Variants in SLC9C1 observed in about 807,000 individuals in gnomAD.
The protein encoded by SLC9C1 is sodium/hydrogen exchanger 10.
Under a neutral mutation model 140.9 loss-of-function variants are expected in SLC9C1, and 97 were observed. The observed-to-expected ratio is 0.69, with a 90% CI of 0.58 to 0.82. The LOEUF (loss-of-function observed/expected upper bound fraction) is 0.82. Among genes scored for constraint, SLC9C1 ranks in the 40% least tolerant of loss-of-function variants. SLC9C1 has a pLI of 0.00. For missense variants in SLC9C1, 1,340 were observed against 1,389.3 expected (o/e 0.96, Z 0.56); for synonymous variants, 440 against 442.6 (o/e 0.99, Z 0.07).
intron 8 of SLC9C1, among the ~76,000 whole-genome samples, chr3:112,265,995 G>T (rs541956775): frequency 6.6e-6 from 1 of 152,190 alleles, no homozygotes; most frequent in African/African-American, 2.4e-5. Flanking sequence ...GATAATCAGA[G>T]ATTTGAGGAA....
chr3:112,270,716 T>G (rs1471399290), intron 6 of SLC9C1, among the ~76,000 whole-genome samples: 1 of 152,134 alleles, frequency 6.6e-6, no homozygotes, highest in Non-Finnish European at 1.5e-5. Context: ...CCTGGGAGGC[T>G]GAGGCATGAG....
In SLC9C1 at chr3:112,154,999, C is replaced by G. The variant is rs779248025; in HGVS notation, c.3415G>C (p.Glu1139Gln). ...EGIQEERNVK[E>Q]DGAHSAATAR... ...TAGAAAGGCTGCTTTAAATTTACCT[C>G]CTTAACATTTCTTTCTTCTTGAATG... Residue 1139 changes from glutamate (E) to glutamine (Q), a missense_variant and splice_region_variant, in exon 27 of 29, where the codon GAG becomes CAG. Physicochemically the swap from Glu to Gln is conservative, Grantham distance 29. Coordinates refer to ENST00000305815, the MANE Select transcript of SLC9C1 (RefSeq NM_183061.3). 6.2e-7 allele frequency: 1 copy of G among 1,611,194 alleles called. No individual in the cohort carries two copies. Among genetic ancestry groups the G allele is most frequent in the South Asian group, 1.1e-5 (1 of 90,742 alleles).
chr3:112,185,049 C>G (rs1249563409), intron 20 of SLC9C1, among the ~76,000 whole-genome samples: 1 of 151,952 alleles, frequency 6.6e-6, no homozygotes, highest in Non-Finnish European at 1.5e-5. Flanking sequence ...TGAGTATGTA[C>G]CATGTCCAGC....
chr3:112,214,781 C>A (rs2078309021), intron 15 of SLC9C1, among the ~76,000 whole-genome samples: 2 of 152,166 alleles, frequency 1.3e-5, no homozygotes, highest in Non-Finnish European at 2.9e-5. Flanking sequence ...ACCAGAGGTA[C>A]AAGGAGGAGC....
chr3:112,226,722 C>T (rs1442581453), intron 13 of SLC9C1, among the ~76,000 whole-genome samples: 2 of 5,616 alleles, frequency 3.6e-4, no homozygotes, highest in East Asian at 0.012. Context: ...ACTCCATCCC[C>T]CCCCATCCCC....
intron 15 of SLC9C1, among the ~76,000 whole-genome samples, chr3:112,212,861 CA>C (rs1294491946): frequency 6.6e-6 from 1 of 152,138 alleles, no homozygotes; most frequent in African/African-American, 2.4e-5. Context: ...GAGAATGCCA[CA>C]AAGATACTCC....
At chr3:112,253,389 A>C (rs1458313990) in intron 10 of SLC9C1, among the ~76,000 whole-genome samples, 3 of 152,152 alleles carry the variant, frequency 2.0e-5, no homozygotes, top group Non-Finnish European at 4.4e-5. Context: ...ATTGACAGAG[A>C]GCATGGCTGC....
In SLC9C1 at chr3:112,217,559, C is replaced by T. The variant is rs756375839; in HGVS notation, c.1673G>A (p.Cys558Tyr). Residue 558 changes from cysteine (C) to tyrosine (Y), a missense_variant and splice_region_variant, in exon 15 of 29, where the codon TGT (cysteine) becomes TAT (tyrosine). Transcript: ENST00000305815. The part of the protein sequence containing the change: ...AESFGEKKGK[C>Y]MSLDTIKNYS... ...ATTCTTTATTGTATCAAGACTCATA[C>T]ATCTAGAAAAAGAGAGAAATCTTTA... 9.5e-6 allele frequency: 15 copies of T among 1,571,670 alleles called. No homozygotes were observed. Among genetic ancestry groups the T allele is most frequent in the African/African-American group, 4.1e-5 (3 of 72,356 alleles).
chr3:112,291,509 A>G (rs1158218867), intron 1 of SLC9C1, among the ~76,000 whole-genome samples: 1 of 152,160 alleles, frequency 6.6e-6, no homozygotes, highest in East Asian at 1.9e-4. Context: ...AAGCATATGA[A>G]AAAAAAAGCT....
chr3:112,159,656 G>A (rs545394253), intron 26 of SLC9C1, among the ~76,000 whole-genome samples: 4 of 152,142 alleles, frequency 2.6e-5, no homozygotes, highest in Admixed American at 2.6e-4. Context: ...TAACTGGGGT[G>A]TTGAAGTCCC....
At position 112,252,730 on chromosome 3, in the gene SLC9C1, T is replaced by C. The variant is rs148070851; in HGVS notation, c.1198-8654A>G. Among the ~76,000 whole-genome samples the C allele has an allele frequency of 1.9e-3, 291 of 152,250 alleles. 1 individual carries two copies. Among genetic ancestry groups the C allele is most frequent in the African/African-American group, 6.9e-3 (285 of 41,550 alleles). ...CTTAGCCATTGTTGCCTTCAGGCTT[T>C]AGAGAGTCAAGGTGACCAGGGACTG... is the stretch of plus-strand genomic sequence containing the variant. On this transcript the variant is annotated intron_variant, in intron 10 of 28. Transcript: ENST00000305815.
In SLC9C1 at chr3:112,270,064, C is replaced by A; in HGVS notation, c.627G>T (p.Val209=). 1 of 1,558,028 alleles carries A rather than the reference C, an allele frequency of 6.4e-7. No homozygotes were observed. The highest frequency in any genetic ancestry group is 8.7e-7 in the Non-Finnish European group (1 of 1,155,428). ...CTATAATATATGAACAAATTCCACC[C>A]ACGATCTCTTCAGCTACAAGAAAGG... ...KRNHTLAEEI[V]GGICSYIIAS... The change falls in exon 7 of 29, where the codon GTG becomes GTT. Residue 209 remains valine (V), a synonymous_variant. Transcript: ENST00000305815.
intron 27 of SLC9C1, 78 bp from the exon 28 acceptor site, chr3:112,152,041 A>C: frequency 9.1e-7 from 1 of 1,102,760 alleles, no homozygotes; most frequent in East Asian, 2.6e-5. Flanking sequence ...ACCTGTGGGT[A>C]TTTCTCGCAA....
At chr3:112,195,101 G>C (rs878927132) in intron 20 of SLC9C1, among the ~76,000 whole-genome samples, 1 of 151,942 alleles carries the variant, frequency 6.6e-6, no homozygotes, top group African/African-American at 2.4e-5. Flanking sequence ...AGTGGTTTTT[G>C]ATGCACACAC....
chr3:112,293,277 AAT>A (rs60247423), intron 1 of SLC9C1, among the ~76,000 whole-genome samples: 143,953 of 149,204 alleles, frequency 0.96, 69,482 homozygotes, highest in East Asian at 1. Context: ...CTCTATTTCA[AAT>A]ATATATATAT....
At chr3:112,290,185 C>T (rs1411303280) in intron 1 of SLC9C1, among the ~76,000 whole-genome samples, 1 of 152,172 alleles carries the variant, frequency 6.6e-6, no homozygotes, top group African/African-American at 2.4e-5. Context: ...CTCGAGTATA[C>T]AGGCTAGACG....
intron 26 of SLC9C1, among the ~76,000 whole-genome samples, chr3:112,165,584 G>A (rs1313623989): frequency 2.6e-5 from 4 of 152,114 alleles, no homozygotes; most frequent in Admixed American, 6.5e-5. Context: ...GCACAACAGC[G>A]GATATTGGTG....
intron 27 of SLC9C1, among the ~76,000 whole-genome samples, chr3:112,154,275 A>C (rs2075067015): frequency 6.6e-6 from 1 of 152,206 alleles, no homozygotes; most frequent in Admixed American, 6.5e-5. Context: ...AGAGACTAAA[A>C]CTAAAAATGA....
rs1576438262 is a variant in SLC9C1 at position 112,246,655 on chromosome 3, A to C, written c.1198-2579T>G. On this transcript the variant is annotated intron_variant, in intron 10 of 28. Transcript: ENST00000305815. ...CCAAGATGATAACTTTTTAAAATCT[A>C]ATTTTTTAGATGTCCTTAAATTACT... Among the ~76,000 whole-genome samples the C allele has an allele frequency of 1.2e-4, 19 of 152,284 alleles. No individual in the cohort carries two copies. The South Asian group carries it at 3.9e-3, about 32-fold the overall frequency.
Sources: gnomAD v4.1 joint callset for allele counts (sites outside exome capture counted in the v4.1 genomes callset) on GRCh38, gnomAD v4.1.1 for gene constraint, MANE v1.5 for transcripts, NCBI Gene and HGNC (gene_info 2026-07-23, HGNC 2026-07-21) for gene names.